Variants in EYS observed in about 807,000 individuals in gnomAD.
EYS encodes protein eyes shut homolog.
A neutral mutation model predicts 282.1 loss-of-function variants in EYS; 250 were observed. The observed-to-expected ratio is 0.89, with a 90% CI of 0.80 to 0.98. The LOEUF (loss-of-function observed/expected upper bound fraction) is 0.98, where lower values mean the gene tolerates loss of function less well. Among genes scored for constraint, EYS ranks in the 50% least tolerant of loss-of-function variants. The pLI, the probability that EYS is intolerant of heterozygous loss-of-function variation, is 0.00. For missense variants in EYS, 4,016 were observed against 3,709.0 expected, an observed-to-expected ratio of 1.08 and a Z score of -2.15; for synonymous variants, 1,355 against 1,282.9, an observed-to-expected ratio of 1.06 and a Z score of -1.20.
In EYS at chr6:63,998,032, A is replaced by T. The variant is rs547670525; in HGVS notation, c.6834+1043T>A. ...GAATGACTTTTTAAAACATAAAAACAATTTTATTCCTACCCTAACAACCCA... is the reference window on the plus strand; with the variant it reads ...GAATGACTTTTTAAAACATAAAAACTATTTTATTCCTACCCTAACAACCCA... On this transcript the variant is annotated intron_variant, in intron 34 of 42. Coordinates refer to ENST00000503581, the MANE Select transcript of EYS (RefSeq NM_001142800.2). Among the ~76,000 whole-genome samples the T allele has an allele frequency of 6.6e-5, 10 of 152,250 alleles. No individual in the cohort carries two copies. In the South Asian group the frequency reaches 1.9e-3, roughly 28 times the overall value.
At chr6:64,571,826 C>T (rs1765736938) in intron 26 of EYS, among the ~76,000 whole-genome samples, 2 of 152,118 alleles carry the variant, frequency 1.3e-5, no homozygotes, top group Non-Finnish European at 2.9e-5. Context: ...GATCGATTCA[C>T]AGGTAAATTC....
chr6:64,227,854 C>T (rs931168957), intron 31 of EYS, among the ~76,000 whole-genome samples: 1 of 151,832 alleles, frequency 6.6e-6, no homozygotes, highest in Admixed American at 6.6e-5. Flanking sequence ...ATACTAAGAA[C>T]ATTTCTAAGA....
intron 35 of EYS, among the ~76,000 whole-genome samples, chr6:63,928,990 G>C (rs1281005133): frequency 2.6e-5 from 4 of 152,108 alleles, no homozygotes; most frequent in Non-Finnish European, 5.9e-5. Flanking sequence ...ATCCACAAGA[G>C]CATCAGTAAT....
chr6:64,211,624 A>G lies in EYS; in HGVS notation c.6424+18968T>C, dbSNP rs180742287. Among the ~76,000 whole-genome samples the G allele has an allele frequency of 7.0e-4, 103 of 148,120 alleles. 1 individual carries two copies. The East Asian group carries it at 0.018, about 25-fold the overall frequency. The stretch of plus-strand genomic sequence containing the variant: ...TAATTCATTTATATGCATATATATG[A>G]ATTAAATTTAGCAAAATTTAATTTT... On this transcript the variant is annotated intron_variant, in intron 31 of 42. Coordinates refer to ENST00000503581, the MANE Select transcript of EYS (RefSeq NM_001142800.2).
At chr6:65,439,437 G>C (rs1768215112) in intron 5 of EYS, among the ~76,000 whole-genome samples, 1 of 152,016 alleles carries the variant, frequency 6.6e-6, no homozygotes, top group African/African-American at 2.4e-5. Flanking sequence ...ATTACCTTGG[G>C]CAGCATGGCC....
chr6:64,536,673 A>T (rs1378555336), intron 26 of EYS, among the ~76,000 whole-genome samples: 1 of 152,106 alleles, frequency 6.6e-6, no homozygotes, highest in Non-Finnish European at 1.5e-5. Flanking sequence ...AACCATTCAT[A>T]TAGTTATAAG....
At chr6:64,164,085 A>G (rs1291546645) in intron 31 of EYS, among the ~76,000 whole-genome samples, 1 of 152,122 alleles carries the variant, frequency 6.6e-6, no homozygotes, top group Non-Finnish European at 1.5e-5. Context: ...TAAACTCCTA[A>G]ATGGTGATCT....
At chr6:65,228,410 C>G (rs567804527) in intron 12 of EYS, among the ~76,000 whole-genome samples, 245 of 150,810 alleles carry the variant, frequency 1.6e-3, no homozygotes, top group African/African-American at 5.8e-3. Context: ...ATATGCAAGA[C>G]CTACACATTT....
At chr6:63,788,776 G>T (rs115831458) in intron 38 of EYS, among the ~76,000 whole-genome samples, 86 of 152,236 alleles carry the variant, frequency 5.6e-4, no homozygotes, top group African/African-American at 1.9e-3. Context: ...ACTGGCCATT[G>T]TTCTCTTTCT....
chr6:65,294,692 A>G (rs1768614689), intron 12 of EYS, among the ~76,000 whole-genome samples: 1 of 151,920 alleles, frequency 6.6e-6, no homozygotes, highest in Non-Finnish European at 1.5e-5. Flanking sequence ...TAGTAATGGC[A>G]TTATGCAGAG....
chr6:65,635,488 T>C (rs1767053993), intron 2 of EYS, among the ~76,000 whole-genome samples: 1 of 152,220 alleles, frequency 6.6e-6, no homozygotes. Context: ...CTTATTTTGT[T>C]ATTTTTATAG....
intron 35 of EYS, among the ~76,000 whole-genome samples, chr6:63,933,735 T>C (rs1009229990): frequency 6.6e-5 from 10 of 152,086 alleles, no homozygotes; most frequent in African/African-American, 2.4e-4. Context: ...AAAACACTCA[T>C]TGCTCCAGTG....
chr6:64,608,473 T>C (rs925720309), intron 24 of EYS, among the ~76,000 whole-genome samples: 2 of 152,190 alleles, frequency 1.3e-5, no homozygotes, highest in Non-Finnish European at 2.9e-5. Flanking sequence ...CTTGTGCGAA[T>C]GCAAAATGGT....
chr6:64,023,341 A>C (rs1211559627), intron 33 of EYS, among the ~76,000 whole-genome samples: 2 of 152,146 alleles, frequency 1.3e-5, no homozygotes, highest in Non-Finnish European at 2.9e-5. Flanking sequence ...CCCTGTTTTC[A>C]ATTCTTTTGC....
chr6:64,368,088 C>T (rs1772239284), intron 29 of EYS, among the ~76,000 whole-genome samples: 1 of 152,074 alleles, frequency 6.6e-6, no homozygotes, highest in Non-Finnish European at 1.5e-5. Context: ...GATCCTCAAC[C>T]TCTTGCCACC....
chr6:65,687,269 T>C (rs2149841744), intron 1 of EYS, among the ~76,000 whole-genome samples: 1 of 152,208 alleles, frequency 6.6e-6, no homozygotes, highest in Non-Finnish European at 1.5e-5. Context: ...TGCAAGGTTA[T>C]ATATGCAAGA....
At chr6:64,240,034 T>A (rs1766749062) in intron 30 of EYS, among the ~76,000 whole-genome samples, 1 of 152,194 alleles carries the variant, frequency 6.6e-6, no homozygotes, top group East Asian at 1.9e-4. Flanking sequence ...TGCTTGTTTT[T>A]CTCAGGTTTT....
At chr6:64,783,852 C>T (rs1773936538) in intron 22 of EYS, among the ~76,000 whole-genome samples, 1 of 151,930 alleles carries the variant, frequency 6.6e-6, no homozygotes, top group Non-Finnish European at 1.5e-5. Context: ...CTTTCTTTAC[C>T]CCAACTCTGC....
At chr6:64,198,296 T>G (rs1007033406) in intron 31 of EYS, among the ~76,000 whole-genome samples, 4 of 151,980 alleles carry the variant, frequency 2.6e-5, no homozygotes, top group Non-Finnish European at 4.4e-5. Context: ...TGTGAGCCAC[T>G]GCACCCGGCC....
Sources: gnomAD v4.1 joint callset for allele counts (sites outside exome capture counted in the v4.1 genomes callset) on GRCh38, gnomAD v4.1.1 for gene constraint, MANE v1.5 for transcripts, NCBI Gene and HGNC (gene_info 2026-07-23, HGNC 2026-07-21) for gene names.